The following KCNB2 variants were observed in gnomAD, a reference collection of about 807,000 sequenced individuals.
KCNB2 encodes the protein delayed rectifier potassium channel protein.
Under a neutral mutation model 61.5 loss-of-function variants are expected in KCNB2, and 15 were observed. The observed-to-expected ratio is 0.24, with a 90% CI of 0.16 to 0.38. The LOEUF is 0.38. Among genes scored for constraint, KCNB2 ranks in the 10% least tolerant of loss-of-function variants. The pLI is 1.00. For missense variants in KCNB2, 828 were observed against 1,125.2 expected, an observed-to-expected ratio of 0.74 and a Z score of 3.78; for synonymous variants, 457 against 446.0, an observed-to-expected ratio of 1.02 and a Z score of -0.31.
chr8:72,767,372 G>A (rs1005387456), intron 2 of KCNB2, among the ~76,000 whole-genome samples: 1 of 152,118 alleles, frequency 6.6e-6, no homozygotes, highest in Admixed American at 6.5e-5. Flanking sequence ...CAACATTTTT[G>A]TTCCCCAAAC....
At chr8:72,714,997 C>T (rs1348551489) in intron 2 of KCNB2, among the ~76,000 whole-genome samples, 9 of 152,080 alleles carry the variant, frequency 5.9e-5, no homozygotes, top group Non-Finnish European at 1.2e-4. Flanking sequence ...CATAAAAAGG[C>T]AGGGGTTGCA....
At chr8:72,865,897 T>C (rs1382878280) in intron 2 of KCNB2, among the ~76,000 whole-genome samples, 1 of 152,294 alleles carries the variant, frequency 6.6e-6, no homozygotes, top group East Asian at 1.9e-4. Flanking sequence ...TAATCATCTA[T>C]GTGTTTGCAG....
At chr8:72,561,746 T>A (rs76038670) in intron 1 of KCNB2, among the ~76,000 whole-genome samples, 3 of 37,268 alleles carry the variant, frequency 8.0e-5, no homozygotes, top group East Asian at 5.2e-4. Context: ...TATATATATA[T>A]GTATATATAT....
chr8:72,718,294 C>G (rs1467971683), intron 2 of KCNB2, among the ~76,000 whole-genome samples: 1 of 152,156 alleles, frequency 6.6e-6, no homozygotes, highest in African/African-American at 2.4e-5. Flanking sequence ...TACCATTTGA[C>G]CCAGCCATCC....
At chr8:72,842,755 G>C (rs2129002730) in intron 2 of KCNB2, among the ~76,000 whole-genome samples, 1 of 152,270 alleles carries the variant, frequency 6.6e-6, no homozygotes, top group Middle Eastern at 3.4e-3. Flanking sequence ...ATGGTAGTTT[G>C]TACTTCTGTG....
intron 2 of KCNB2, among the ~76,000 whole-genome samples, chr8:72,823,380 G>A (rs531718065): frequency 2.8e-4 from 43 of 152,256 alleles, no homozygotes; most frequent in Admixed American, 1.0e-3. Flanking sequence ...GCCTGGGGAA[G>A]CAGGTTATCA....
rs1056628436 is a variant in KCNB2 at position 72,727,657 on chromosome 8, G to A, written c.579+159344G>A. 2.0e-5 allele frequency among the ~76,000 whole-genome samples: 3 copies of A among 152,292 alleles called. No individual in the cohort carries two copies. In the East Asian group the frequency reaches 5.8e-4, roughly 29 times the overall value. On this transcript the variant is annotated intron_variant, in intron 2 of 2. Coordinates refer to ENST00000523207, the MANE Select transcript of KCNB2 (RefSeq NM_004770.3). ...TCTCTTACATTGTCACAAAGTATGT[G>A]AAGGAACCATTAGCCAGGAGAATTA...
chr8:72,693,529 C>T (rs759575173), intron 2 of KCNB2, among the ~76,000 whole-genome samples: 3 of 152,128 alleles, frequency 2.0e-5, no homozygotes, highest in Admixed American at 6.5e-5. Flanking sequence ...AGGGCAAGCT[C>T]TGTGTTCTAA....
chr8:72,565,289 A>C (rs1177495165), intron 1 of KCNB2, among the ~76,000 whole-genome samples: 2 of 152,176 alleles, frequency 1.3e-5, no homozygotes, highest in Non-Finnish European at 2.9e-5. Flanking sequence ...ATTCAAGAGA[A>C]TCTTTCGCCT....
chr8:72,718,958 G>A (rs1297386221), intron 2 of KCNB2, among the ~76,000 whole-genome samples: 1 of 152,020 alleles, frequency 6.6e-6, no homozygotes, highest in African/African-American at 2.4e-5. Flanking sequence ...CCACCTTTTG[G>A]TAGATCTGAA....
At chr8:72,915,702 G>A (rs1806385674) in intron 2 of KCNB2, among the ~76,000 whole-genome samples, 1 of 152,084 alleles carries the variant, frequency 6.6e-6, no homozygotes, top group African/African-American at 2.4e-5. Context: ...GGCGGATCAT[G>A]AGGTCAGGAG....
intron 2 of KCNB2, among the ~76,000 whole-genome samples, chr8:72,612,232 A>G (rs1020549289): frequency 1.3e-5 from 2 of 152,174 alleles, no homozygotes; most frequent in African/African-American, 4.8e-5. Flanking sequence ...TAATTAACAC[A>G]TATAAATGAT....
chr8:72,843,606 G>A (rs1423819091), intron 2 of KCNB2, among the ~76,000 whole-genome samples: 3 of 152,174 alleles, frequency 2.0e-5, no homozygotes, highest in African/African-American at 7.2e-5. Flanking sequence ...CTTGCTTTAT[G>A]AATCTGGTTG....
At chr8:72,553,481 G>A (rs926769210) in intron 1 of KCNB2, among the ~76,000 whole-genome samples, 2 of 152,084 alleles carry the variant, frequency 1.3e-5, no homozygotes, top group Admixed American at 6.6e-5. Flanking sequence ...GAACAAATGT[G>A]TCTCAGGGCT....
At chr8:72,676,136 G>A (rs1806649937) in intron 2 of KCNB2, among the ~76,000 whole-genome samples, 1 of 152,058 alleles carries the variant, frequency 6.6e-6, no homozygotes, top group African/African-American at 2.4e-5. Flanking sequence ...CATATGCATG[G>A]AACTTCAAAT....
chr8:72,806,371 A>G (rs1242876569), intron 2 of KCNB2, among the ~76,000 whole-genome samples: 2 of 151,508 alleles, frequency 1.3e-5, no homozygotes, highest in African/African-American at 2.4e-5. Flanking sequence ...AAAAAAAAAA[A>G]AAGAATAATT....
intron 2 of KCNB2, among the ~76,000 whole-genome samples, chr8:72,657,719 T>A (rs1011435631): frequency 2.0e-5 from 3 of 152,170 alleles, no homozygotes; most frequent in African/African-American, 7.2e-5. Flanking sequence ...GAAAAAAAGT[T>A]TCTATGCTTC....
chr8:72,821,065 A>G (rs907200672), intron 2 of KCNB2, among the ~76,000 whole-genome samples: 2 of 152,150 alleles, frequency 1.3e-5, no homozygotes, highest in Non-Finnish European at 2.9e-5. Flanking sequence ...TGCTGAATTA[A>G]GATTATATTT....
intron 2 of KCNB2, among the ~76,000 whole-genome samples, chr8:72,665,273 A>G (rs888842172): frequency 2.0e-5 from 3 of 152,262 alleles, no homozygotes; most frequent in African/African-American, 4.8e-5. Flanking sequence ...TGAGAGGTCA[A>G]TGGATACTGG....
Sources: allele counts gnomAD v4.1 joint callset (sites outside exome capture counted in the v4.1 genomes callset), GRCh38; gene constraint gnomAD v4.1.1; transcripts MANE v1.5; gene names NCBI Gene and HGNC (gene_info 2026-07-23, HGNC 2026-07-21).